THSD4: variants seen among roughly 807,000 people sequenced by gnomAD.
The protein encoded by THSD4 is thrombospondin type-1 domain-containing protein 4.
THSD4 carries 69 observed loss-of-function variants against 119.0 expected under a neutral mutation model. The observed-to-expected ratio is 0.58, with a 90% confidence interval of 0.48 to 0.71. THSD4 has a LOEUF of 0.71. Ranked by LOEUF, THSD4 falls within the 30% of genes least tolerant of loss-of-function variation. The pLI is 0.00. For synonymous variants in THSD4, 524 were observed against 540.4 expected (o/e 0.97, Z 0.42); for missense variants, 1,393 against 1,391.1 (o/e 1.00, Z -0.02).
chr15:71,121,002 A>T (rs910454176), intron 1 of THSD4, among the ~76,000 whole-genome samples: 9 of 152,340 alleles, frequency 5.9e-5, no homozygotes, highest in South Asian at 4.1e-4. Flanking sequence ...CCCATGAAAA[A>T]GGATAAATGG....
At chr15:71,714,770 G>A (rs1450377413) in intron 8 of THSD4, among the ~76,000 whole-genome samples, 6 of 152,128 alleles carry the variant, frequency 3.9e-5, no homozygotes, top group Non-Finnish European at 8.8e-5. Flanking sequence ...CGCTTGTGGA[G>A]GTTGCAGTGA....
intron 6 of THSD4, among the ~76,000 whole-genome samples, chr15:71,356,937 C>T (rs1342756170): frequency 3.3e-5 from 5 of 152,192 alleles, no homozygotes; most frequent in Admixed American, 2.6e-4. Context: ...CTGAGTCCAG[C>T]CCAAGGGGTA....
At chr15:71,493,119 T>C (rs974485446) in intron 7 of THSD4, among the ~76,000 whole-genome samples, 4 of 152,134 alleles carry the variant, frequency 2.6e-5, no homozygotes, top group African/African-American at 9.7e-5. Flanking sequence ...AGAGTAAAAA[T>C]GGTTTGGGAA....
chr15:71,213,392 A>G (rs1289107766), intron 3 of THSD4, among the ~76,000 whole-genome samples: 1 of 152,230 alleles, frequency 6.6e-6, no homozygotes, highest in African/African-American at 2.4e-5. Context: ...GAACAATTAC[A>G]GTTATGACTG....
At chr15:71,322,158 A>T (rs2045277807) in intron 6 of THSD4, among the ~76,000 whole-genome samples, 1 of 152,190 alleles carries the variant, frequency 6.6e-6, no homozygotes. Context: ...GGTATCAGTG[A>T]CTTTTTAGGA....
intron 7 of THSD4, among the ~76,000 whole-genome samples, chr15:71,459,420 C>CTCTCTCTCTCTCTGTCTCTCTCTCTCTG (rs2047396043): frequency 6.6e-6 from 1 of 150,726 alleles, no homozygotes; most frequent in East Asian, 2.0e-4. Flanking sequence ...CTCTCTCTCT[C>CTCTCTCTCTCTCTGTCTCTCTCTCTCTG]TCTCGTCAAC....
At chr15:71,540,399 G>A (rs1400375452) in intron 7 of THSD4, among the ~76,000 whole-genome samples, 2 of 143,598 alleles carry the variant, frequency 1.4e-5, no homozygotes. Context: ...GGCTCCCAAA[G>A]TGCTGGGATT....
At chr15:71,313,468 AACAC>A (rs1249091082) in intron 6 of THSD4, among the ~76,000 whole-genome samples, 2 of 152,174 alleles carry the variant, frequency 1.3e-5, no homozygotes, top group Admixed American at 1.3e-4. Context: ...TTGGGGGAAT[AACAC>A]ACACTGGAGC....
intron 2 of THSD4, among the ~76,000 whole-genome samples, chr15:71,151,810 A>G (rs533892910): frequency 1.8e-4 from 27 of 152,326 alleles, no homozygotes; most frequent in African/African-American, 6.3e-4. Context: ...CAAGTATTAA[A>G]AAGTCCAAAG....
chr15:71,474,404 G>A (rs1183613454), intron 7 of THSD4, among the ~76,000 whole-genome samples: 2 of 151,898 alleles, frequency 1.3e-5, no homozygotes, highest in African/African-American at 2.4e-5. Context: ...AGTTTTTTTA[G>A]TAGAGGCGGA....
chr15:71,415,510 C>G (rs1195081616), intron 7 of THSD4, among the ~76,000 whole-genome samples: 1 of 152,198 alleles, frequency 6.6e-6, no homozygotes, highest in Non-Finnish European at 1.5e-5. Context: ...TATCCATCCC[C>G]TCAAGCATTT....
At chr15:71,146,127 G>T (rs916247291) in intron 2 of THSD4, among the ~76,000 whole-genome samples, 1 of 152,190 alleles carries the variant, frequency 6.6e-6, no homozygotes, top group African/African-American at 2.4e-5. Context: ...CAAAAGTAGG[G>T]TGAAGCATGG....
intron 8 of THSD4, among the ~76,000 whole-genome samples, chr15:71,662,320 A>G (rs752003501): frequency 6.6e-6 from 1 of 152,148 alleles, no homozygotes; most frequent in Non-Finnish European, 1.5e-5. Context: ...CAATCAAAGA[A>G]AAACTGTTCA....
chr15:71,475,581 G>T (rs2047644415), intron 7 of THSD4, among the ~76,000 whole-genome samples: 1 of 152,176 alleles, frequency 6.6e-6, no homozygotes, highest in Non-Finnish European at 1.5e-5. Context: ...TTCTGCTGCT[G>T]CTGGTCCAAG....
At position 71,770,982 on chromosome 15, in the gene THSD4, A is replaced by AT. The variant is rs1204060782; in HGVS notation, c.2770-78dup. 1.0e-5 allele frequency: 16 copies of AT among 1,540,244 alleles called. No homozygotes were observed. The Admixed American group carries it at 2.9e-4, about 28-fold the overall frequency. ...CTGTCTCCTTTTGGAAATGTTTGAGATTTTCCAGTGTCTTCTTTCTCCAGT... is the reference window on the plus strand; with the variant it reads ...CTGTCTCCTTTTGGAAATGTTTGAGATTTTTCCAGTGTCTTCTTTCTCCAGT... On this transcript the variant is annotated intron_variant, in intron 16 of 17. Coordinates refer to ENST00000261862, the MANE Select transcript of THSD4 (RefSeq NM_024817.3).
intron 7 of THSD4, among the ~76,000 whole-genome samples, chr15:71,465,059 G>A (rs1230059684): frequency 1.3e-5 from 2 of 152,052 alleles, no homozygotes. Flanking sequence ...TGGTGAGCGA[G>A]TGACTCAAGG....
chr15:71,311,787 C>A (rs918526075), intron 6 of THSD4, among the ~76,000 whole-genome samples: 2 of 152,190 alleles, frequency 1.3e-5, no homozygotes, highest in Admixed American at 6.5e-5. Flanking sequence ...GCCTTTCTCT[C>A]GTCACTCCTC....
chr15:71,259,515 T>C (rs2044365012), intron 6 of THSD4, among the ~76,000 whole-genome samples: 1 of 152,174 alleles, frequency 6.6e-6, no homozygotes, highest in African/African-American at 2.4e-5. Flanking sequence ...GCAGATGCCT[T>C]AGAGAAGTGA....
intron 3 of THSD4, among the ~76,000 whole-genome samples, chr15:71,157,943 CAT>C (rs1186236815): frequency 2.0e-5 from 3 of 152,004 alleles, no homozygotes; most frequent in African/African-American, 7.2e-5. Flanking sequence ...CTGCAGTAAA[CAT>C]AGGGGCACAG....
Sources: gnomAD v4.1 joint callset for allele counts (sites outside exome capture counted in the v4.1 genomes callset) on GRCh38, gnomAD v4.1.1 for gene constraint, MANE v1.5 for transcripts, NCBI Gene and HGNC (gene_info 2026-07-23, HGNC 2026-07-21) for gene names.